Variants in ASIC2 observed in about 807,000 individuals in gnomAD.
ASIC2 encodes acid sensing ion channel subunit 2, also known as acid-sensing ion channel 2.
A neutral mutation model predicts 57.3 loss-of-function variants in ASIC2; 25 were observed. That is an observed-to-expected ratio of 0.44 (90% CI 0.32 to 0.61). The LOEUF (loss-of-function observed/expected upper bound fraction) is 0.61, where lower values mean the gene tolerates loss of function less well. Ranked by LOEUF, ASIC2 falls within the 20% of genes least tolerant of loss-of-function variation. The pLI, the probability that ASIC2 is intolerant of heterozygous loss-of-function variation, is 0.06. For missense variants in ASIC2, 641 were observed against 738.1 expected (o/e 0.87, Z 1.52); for synonymous variants, 319 against 307.5 (o/e 1.04, Z -0.39).
At position 33,578,883 on chromosome 17, in the gene ASIC2, TAA is replaced by T. The variant is rs1352388200; in HGVS notation, c.556-466818_556-466817del. ...CTGTGACCTGAAACAGTGACCGTGGTAAAACCCTGCCACAGCAGGCAAGAAAA... is the reference window on the plus strand; with the variant it reads ...CTGTGACCTGAAACAGTGACCGTGGTAACCCTGCCACAGCAGGCAAGAAAA... On this transcript the variant is annotated intron_variant, in intron 1 of 9. Transcript: ENST00000359872. 2.0e-5 allele frequency among the ~76,000 whole-genome samples: 3 copies of T among 152,278 alleles called. No homozygotes were observed. The South Asian group carries it at 6.2e-4, about 32-fold the overall frequency.
At chr17:33,627,228 G>A (rs1236622810) in intron 1 of ASIC2, 3 of 152,186 alleles carry the variant, frequency 2.0e-5, no homozygotes, top group African/African-American at 7.2e-5. Flanking sequence ...TCTCTCTAGA[G>A]ACACAGGCAT....
chr17:33,183,843 G>A (rs777560146), intron 1 of ASIC2, among the ~76,000 whole-genome samples: 1 of 152,112 alleles, frequency 6.6e-6, no homozygotes, highest in Non-Finnish European at 1.5e-5. Context: ...ATTGGTTAGC[G>A]GTAGAAGTCA....
intron 1 of ASIC2, among the ~76,000 whole-genome samples, chr17:33,523,684 GAC>G (rs1417513625): frequency 2.0e-5 from 3 of 152,178 alleles, no homozygotes; most frequent in Non-Finnish European, 2.9e-5. Context: ...CTCAGAAAAT[GAC>G]ACTTTCCCGT....
chr17:33,454,674 G>C (rs1465576962), intron 1 of ASIC2, among the ~76,000 whole-genome samples: 3 of 152,084 alleles, frequency 2.0e-5, no homozygotes, highest in South Asian at 2.1e-4. Context: ...ACATACCTTA[G>C]GCTGCATAAT....
At chr17:33,758,917 C>A (rs1406191580) in intron 1 of ASIC2, among the ~76,000 whole-genome samples, 6 of 141,850 alleles carry the variant, frequency 4.2e-5, no homozygotes, top group African/African-American at 2.7e-5. Context: ...AAGCTAATAC[C>A]AAAAAAAAAA....
intron 1 of ASIC2, among the ~76,000 whole-genome samples, chr17:33,969,007 C>T (rs1033962426): frequency 3.3e-5 from 5 of 152,040 alleles, no homozygotes; most frequent in African/African-American, 7.2e-5. Flanking sequence ...GTGTGTGGGG[C>T]GGATGGCAGT....
intron 1 of ASIC2, among the ~76,000 whole-genome samples, chr17:33,152,120 T>C (rs761878677): frequency 7.2e-5 from 11 of 152,110 alleles, no homozygotes; most frequent in Non-Finnish European, 1.5e-4. Flanking sequence ...TCCTGTGGAG[T>C]AGATAATATT....
chr17:33,396,134 A>G (rs1347777841), intron 1 of ASIC2, among the ~76,000 whole-genome samples: 5 of 152,200 alleles, frequency 3.3e-5, no homozygotes, highest in Non-Finnish European at 7.3e-5. Context: ...AGGAATGGTC[A>G]TTTAGTCTCA....
intron 1 of ASIC2, among the ~76,000 whole-genome samples, chr17:33,995,354 C>A (rs1257532270): frequency 3.3e-5 from 5 of 152,138 alleles, no homozygotes; most frequent in African/African-American, 7.2e-5. Context: ...AGACCTGGAA[C>A]CTGGCAGAAG....
chr17:33,116,208 G>A (rs1424406687), intron 1 of ASIC2, among the ~76,000 whole-genome samples: 1 of 152,212 alleles, frequency 6.6e-6, no homozygotes, highest in African/African-American at 2.4e-5. Flanking sequence ...GGGCTGCTGA[G>A]CCTCCCGCTC....
At chr17:33,521,746 C>T (rs114415958) in intron 1 of ASIC2, among the ~76,000 whole-genome samples, 412 of 152,312 alleles carry the variant, frequency 2.7e-3, no homozygotes, top group African/African-American at 9.5e-3. Context: ...GGACTGGAGC[C>T]CAGCATTCAT....
chr17:33,975,684 G>T (rs71379442), intron 1 of ASIC2, among the ~76,000 whole-genome samples: 2,754 of 152,040 alleles, frequency 0.018, 102 homozygotes, highest in African/African-American at 0.062. Context: ...CTCTGTTCTG[G>T]TCCCATCAAT....
intron 1 of ASIC2, among the ~76,000 whole-genome samples, chr17:33,192,734 A>G (rs1282392873): frequency 6.6e-6 from 1 of 152,216 alleles, no homozygotes; most frequent in Non-Finnish European, 1.5e-5. Context: ...GAAATCGGAA[A>G]GCTGCCTCTC....
rs147370434 is a variant in ASIC2 at position 33,356,347 on chromosome 17, G to A, written c.556-244280C>T. 6.2e-3 allele frequency among the ~76,000 whole-genome samples: 941 copies of A among 152,296 alleles called. 8 individuals are homozygous for A. Among genetic ancestry groups the A allele is most frequent in the Non-Finnish European group, 9.1e-3 (622 of 68,032 alleles). On this transcript the variant is annotated intron_variant, in intron 1 of 9. Transcript: ENST00000359872. ...TCAGGGGCTCAAGGAAGTTCTCCCA[G>A]TTGGTTAGCAGTGGGGCCAGGCTTC...
chr17:34,039,832 T>C (rs1908037474), intron 1 of ASIC2: 1 of 1,607,808 alleles, frequency 6.2e-7, no homozygotes, highest in African/African-American at 1.3e-5. Flanking sequence ...CTCCAATAAT[T>C]TCTGCCGTCG....
intron 3 of ASIC2, among the ~76,000 whole-genome samples, chr17:33,060,670 T>G (rs2092017151): frequency 1.3e-5 from 2 of 152,328 alleles, no homozygotes; most frequent in East Asian, 1.9e-4. Flanking sequence ...ATATGAACTT[T>G]AAAGTAGTTT....
intron 1 of ASIC2, among the ~76,000 whole-genome samples, chr17:33,764,015 C>T (rs550124530): frequency 1.3e-5 from 2 of 152,104 alleles, no homozygotes; most frequent in Non-Finnish European, 2.9e-5. Context: ...TGATTTCGGC[C>T]GGGTGCCGTG....
intron 3 of ASIC2, among the ~76,000 whole-genome samples, chr17:33,085,608 A>G (rs962071928): frequency 6.6e-6 from 1 of 152,228 alleles, no homozygotes; most frequent in African/African-American, 2.4e-5. Context: ...TTACCACTGT[A>G]TCTCTACCAC....
chr17:33,581,902 G>T (rs1266159169), intron 1 of ASIC2, among the ~76,000 whole-genome samples: 3 of 152,112 alleles, frequency 2.0e-5, no homozygotes, highest in African/African-American at 7.2e-5. Context: ...GGTTTAATTG[G>T]CCTTAGCTTC....
Sources: allele counts gnomAD v4.1 joint callset (sites outside exome capture counted in the v4.1 genomes callset), GRCh38; gene constraint gnomAD v4.1.1; transcripts MANE v1.5; gene names NCBI Gene and HGNC (gene_info 2026-07-23, HGNC 2026-07-21).